ZUP1: variants seen among roughly 807,000 people sequenced by gnomAD.
ZUP1 encodes the protein zinc finger containing ubiquitin peptidase 1.
In ZUP1, 55 loss-of-function variants were observed where a neutral mutation model predicts 68.1. The observed-to-expected ratio is 0.81, with a 90% CI of 0.65 to 1.01. The LOEUF (loss-of-function observed/expected upper bound fraction) is 1.01. ZUP1 is among the 50% of genes least tolerant of loss of function. The pLI, the probability that ZUP1 is intolerant of heterozygous loss-of-function variation, is 0.00. For synonymous variants in ZUP1, 223 were observed against 221.5 expected (o/e 1.01, Z -0.06); for missense variants, 684 against 674.9 (o/e 1.01, Z -0.15).
chr6:116,647,667 T>C (rs1776355481), intron 7 of ZUP1, 57 bp from the exon 8 acceptor site: 3 of 1,342,748 alleles, frequency 2.2e-6, no homozygotes, highest in South Asian at 2.0e-5. Context: ...TTTTCATCGA[T>C]GGAGTTATCA....
At chr6:116,646,433 G>A (rs902792196) in intron 8 of ZUP1, among the ~76,000 whole-genome samples, 3 of 152,088 alleles carry the variant, frequency 2.0e-5, no homozygotes, top group Non-Finnish European at 2.9e-5. Flanking sequence ...TATGTGCCGG[G>A]TACTACTCCA....
chr6:116,658,318 T>C (rs1382787849), intron 4 of ZUP1, among the ~76,000 whole-genome samples: 1 of 152,226 alleles, frequency 6.6e-6, no homozygotes, highest in Non-Finnish European at 1.5e-5. Flanking sequence ...CATTTTCCCA[T>C]AAAATAGTTG....
intron 9 of ZUP1, among the ~76,000 whole-genome samples, chr6:116,642,886 G>A (rs1225579655): frequency 6.6e-6 from 1 of 152,156 alleles, no homozygotes; most frequent in African/African-American, 2.4e-5. Flanking sequence ...AGGAAAAGAG[G>A]AAGTCAAATT....
chr6:116,650,825 CATA>C (rs1385654709), intron 7 of ZUP1, among the ~76,000 whole-genome samples: 2 of 152,190 alleles, frequency 1.3e-5, no homozygotes, highest in Middle Eastern at 3.4e-3. Context: ...GGTGAAATTT[CATA>C]ATATCGTGAA....
chr6:116,664,441 A>C (rs555226059), intron 2 of ZUP1, among the ~76,000 whole-genome samples: 1,938 of 151,794 alleles, frequency 0.013, 36 homozygotes, highest in South Asian at 0.037. Context: ...AAAAAAAAAA[A>C]ACACACACAC....
intron 2 of ZUP1, among the ~76,000 whole-genome samples, chr6:116,664,590 G>A (rs1776943152): frequency 6.6e-6 from 1 of 152,122 alleles, no homozygotes; most frequent in South Asian, 2.1e-4. Flanking sequence ...AAGAAAGAAT[G>A]AGAAGGTCTA....
intron 7 of ZUP1, among the ~76,000 whole-genome samples, chr6:116,649,736 C>T (rs1776421759): frequency 6.6e-6 from 1 of 152,186 alleles, no homozygotes; most frequent in Non-Finnish European, 1.5e-5. Flanking sequence ...TAGTAACCTT[C>T]CGCCTTCCAC....
intron 7 of ZUP1, among the ~76,000 whole-genome samples, chr6:116,649,910 T>C (rs1246706448): frequency 6.6e-6 from 1 of 151,892 alleles, no homozygotes. Flanking sequence ...CAAACAGATA[T>C]GAAAAAATAC....
At chr6:116,648,174 T>C (rs1776372177) in intron 7 of ZUP1, among the ~76,000 whole-genome samples, 1 of 152,210 alleles carries the variant, frequency 6.6e-6, no homozygotes, top group Non-Finnish European at 1.5e-5. Flanking sequence ...ATCTATCTCC[T>C]ATTTGCCACC....
chr6:116,660,773 A>G lies in ZUP1; in HGVS notation c.633T>C (p.His211=), dbSNP rs780483123. 1.9e-6 allele frequency: 3 copies of G among 1,609,252 alleles called. No individual in the cohort carries two copies. Among genetic ancestry groups the G allele is most frequent in the East Asian group, 2.2e-5 (1 of 44,740 alleles). The change falls in exon 3 of 10, where the codon CAT becomes CAC. Residue 211 remains histidine (H), a synonymous_variant. Transcript: ENST00000368576. The stretch of plus-strand genomic sequence containing the variant: ...TGTTTTCTTCCAAATGCAAGTCAAC[A>G]TGTTCCTGAAGAATATGGTAATTTG... ...ICTNYHILQE[H]VDLHLEENSF... is the part of the protein sequence containing the mutation.
At chr6:116,637,235 A>G (rs2115374022) in intron 9 of ZUP1, among the ~76,000 whole-genome samples, 1 of 152,264 alleles carries the variant, frequency 6.6e-6, no homozygotes, top group East Asian at 1.9e-4. Context: ...CAGTTGTGCT[A>G]CCTTAGGAAT....
chr6:116,659,724 C>T (rs1776780483), intron 3 of ZUP1, among the ~76,000 whole-genome samples: 1 of 152,106 alleles, frequency 6.6e-6, no homozygotes, highest in African/African-American at 2.4e-5. Flanking sequence ...AACTTTGCAA[C>T]ATCTCATCCT....
chr6:116,647,274 A>C (rs201243064), intron 8 of ZUP1, among the ~76,000 whole-genome samples, 185 bp downstream of exon 8: 9 of 152,088 alleles, frequency 5.9e-5, no homozygotes, highest in South Asian at 2.1e-4. Context: ...CAGGAGAATC[A>C]CTTGAACCTG....
intron 9 of ZUP1, among the ~76,000 whole-genome samples, chr6:116,637,135 A>G (rs1223393841): frequency 1.3e-5 from 2 of 152,216 alleles, no homozygotes; most frequent in Admixed American, 6.5e-5. Flanking sequence ...CTCAGCAAAC[A>G]TGACTATGAG....
chr6:116,643,418 C>T lies in ZUP1; in HGVS notation c.1689+2296G>A, dbSNP rs940030233. 3.9e-4 allele frequency among the ~76,000 whole-genome samples: 60 copies of T among 152,270 alleles called. 1 individual carries two copies. The highest frequency in any genetic ancestry group is 1.3e-3 in the African/African-American group (56 of 41,558). ...CAAAAGAACAAATCTGGAGGCATCA[C>T]GCTACCTGACTTCAAACTATACTAC... is the stretch of plus-strand genomic sequence containing the variant. On this transcript the variant is annotated intron_variant, in intron 9 of 9. Coordinates refer to ENST00000368576, the MANE Select transcript of ZUP1 (RefSeq NM_145062.3).
At position 116,637,835 on chromosome 6, in the gene ZUP1, G is replaced by A. The variant is rs574848953; in HGVS notation, c.1690-1956C>T. Reference sequence around the variant, plus strand: ...CCCAGCACTTTGGTAGGCCAAGGCGGGTGGATCACCAGAAGTTGGGAGTTC... The same window carrying A: ...CCCAGCACTTTGGTAGGCCAAGGCGAGTGGATCACCAGAAGTTGGGAGTTC... On this transcript the variant is annotated intron_variant, in intron 9 of 9. Coordinates refer to ENST00000368576, the MANE Select transcript of ZUP1 (RefSeq NM_145062.3). Among the ~76,000 whole-genome samples, 3 of 152,340 alleles carry A rather than the reference G, an allele frequency of 2.0e-5. No homozygotes were observed. In the South Asian group the frequency reaches 6.2e-4, roughly 32 times the overall value.
chr6:116,650,935 A>C (rs1324005951), intron 7 of ZUP1, among the ~76,000 whole-genome samples: 2 of 150,144 alleles, frequency 1.3e-5, no homozygotes, highest in African/African-American at 2.5e-5. Context: ...CACACACACA[A>C]AACAGTGAAA....
intron 2 of ZUP1, among the ~76,000 whole-genome samples, chr6:116,666,357 G>A (rs1777008837): frequency 6.6e-6 from 1 of 152,190 alleles, no homozygotes; most frequent in Non-Finnish European, 1.5e-5. Context: ...CAGTCCAGAT[G>A]CTACTGGGTT....
intron 1 of ZUP1, among the ~76,000 whole-genome samples, chr6:116,667,743 A>T (rs1359778975): frequency 6.6e-6 from 1 of 152,170 alleles, no homozygotes; most frequent in Non-Finnish European, 1.5e-5. Context: ...CAGACAGGTC[A>T]CCACAAGCAG....
Sources: gnomAD v4.1 joint callset for allele counts (sites outside exome capture counted in the v4.1 genomes callset) on GRCh38, gnomAD v4.1.1 for gene constraint, MANE v1.5 for transcripts, NCBI Gene and HGNC (gene_info 2026-07-23, HGNC 2026-07-21) for gene names.